The following SOX11 variants were observed in gnomAD, a reference collection of about 807,000 sequenced individuals.
SOX11 encodes SRY-box transcription factor 11.
Under a neutral mutation model 16.7 loss-of-function variants are expected in SOX11, and 5 were observed. That is an observed-to-expected ratio of 0.30 (90% CI 0.16 to 0.63). The LOEUF (loss-of-function observed/expected upper bound fraction) is 0.63. SOX11 is among the 20% of genes least tolerant of loss of function. The pLI is 0.82. For missense variants in SOX11, 492 were observed against 641.5 expected (o/e 0.77, Z 2.52); for synonymous variants, 363 against 298.8 (o/e 1.21, Z -2.22).
rs1172100270 is a variant in SOX11 at position 5,694,020 on chromosome 2, C to T, written c.1299C>T (p.Asn433=). 1.9e-6 allele frequency: 3 copies of T among 1,550,952 alleles called. No homozygotes were observed. In the African/African-American group the frequency reaches 4.1e-5, roughly 21 times the overall value. Residue 433 remains asparagine, a synonymous_variant, in exon 1 of 1, where the codon AAC becomes AAT. Coordinates refer to ENST00000322002, the MANE Select transcript of SOX11 (RefSeq NM_003108.4). ...EMIAGDWLEA[N]FSDLVFTY Reference sequence around the variant, plus strand: ...TCGCGGGGGACTGGCTGGAGGCGAACTTCTCCGACCTGGTGTTCACATATT... The same window carrying T: ...TCGCGGGGGACTGGCTGGAGGCGAATTTCTCCGACCTGGTGTTCACATATT...
rs935874521 is a variant in SOX11, at chr2:5,700,932, C to T, written c.*6885C>T. On this transcript the variant is annotated 3_prime_UTR_variant, in exon 1 of 1. Coordinates refer to ENST00000322002, the MANE Select transcript of SOX11 (RefSeq NM_003108.4). ...AAGTCTGAGTGGTTTGTGGGGGGGA[C>T]CTTTTTTAGAGTTTGCATGCCAGCG... The T allele has an allele frequency of 6.0e-6, 1 of 166,434 alleles. No individual in the cohort carries two copies. Among genetic ancestry groups the T allele is most frequent in the Admixed American group, 6.6e-5 (1 of 15,250 alleles). 10.3% of individuals were successfully genotyped at this position (166,434 alleles called of 1,614,324 possible). A position where few individuals can be genotyped will look rare whatever the true frequency, so the allele number is the denominator to read the frequency against.
rs1665781189 is a variant in SOX11, at chr2:5,698,477, G to GC, written c.*4431dup. ...TTTCCATCTTTAAGAAATTGAACCA[G>GC]CATTCTCTTATTAATTCTTTAAACT... On this transcript the variant is annotated 3_prime_UTR_variant, in exon 1 of 1. Transcript: ENST00000322002. The GC allele has an allele frequency of 6.0e-6, 1 of 166,726 alleles. No homozygotes were observed. Among genetic ancestry groups the GC allele is most frequent in the South Asian group, 2.1e-4 (1 of 4,808 alleles). The allele number at this position is 166,726 out of a possible 1,614,324, so 10.3% of individuals were successfully genotyped here.
Position 5,693,567 on chromosome 2 carries a change from C to G in SOX11, c.846C>G (p.Ser282Arg). ...VAKVPASPTL[S>R]SSAESPEGAS... The stretch of plus-strand genomic sequence containing the variant: ...AAGTGCCCGCCAGCCCTACGCTGAG[C>G]AGCTCGGCGGAGTCCCCCGAGGGAG... The change falls in exon 1 of 1, where the codon AGC (serine) becomes AGG (arginine). Residue 282 changes from serine (S) to arginine (R), a missense_variant. Physicochemically the swap from Ser to Arg is moderately radical, Grantham distance 110. Around this residue, in one of 4 missense-constraint regions of SOX11, gnomAD observed 389 missense variants for 389.0 expected, o/e 1.00. Coordinates refer to ENST00000322002, the MANE Select transcript of SOX11 (RefSeq NM_003108.4). This position sits in a 1 kb window ranked among gnomAD's most constrained non-coding sequence, Gnocchi z 8.6. The G allele has an allele frequency of 6.4e-7, 1 of 1,562,074 alleles. No homozygotes were observed. Among genetic ancestry groups the G allele is most frequent in the South Asian group, 1.2e-5 (1 of 86,774 alleles).
rs775298170 is a variant in SOX11, at chr2:5,693,160, G to A, written c.439G>A (p.Gly147Ser). The change falls in exon 1 of 1, where the codon GGC becomes AGC. Residue 147 changes from glycine (G) to serine (S), a missense_variant. Physicochemically the swap from Gly to Ser is moderately conservative, Grantham distance 56 (BLOSUM62 0). Transcript: ENST00000322002. This position sits in a 1 kb window ranked among gnomAD's most constrained non-coding sequence, Gnocchi z 8.6. Reference protein sequence around the residue: ...SPEKSAAGGGGGSAGGGAGGA... With the variant: ...SPEKSAAGGGSGSAGGGAGGA... ...AGAGAAGAGCGCGGCCGGCGGCGGC[G>A]GCGGGAGCGCGGGCGGAGGCGCGGG... 1.6e-5 allele frequency: 26 copies of A among 1,585,802 alleles called. No homozygotes were observed. Among genetic ancestry groups the A allele is most frequent in the Non-Finnish European group, 2.1e-5 (24 of 1,167,550 alleles).
At position 5,693,307 on chromosome 2, in the gene SOX11, G is replaced by A. The variant is rs776676775; in HGVS notation, c.586G>A (p.Asp196Asn). 5 of 1,559,512 alleles carry A rather than the reference G, an allele frequency of 3.2e-6. No individual in the cohort carries two copies. Among genetic ancestry groups the A allele is most frequent in the South Asian group, 2.3e-5 (2 of 86,218 alleles). Residue 196 changes from aspartate (D) to asparagine (N), a missense_variant, in exon 1 of 1, where the codon GAC (aspartate) becomes AAC (asparagine). Asp to Asn is a conservative substitution (Grantham distance 23). Around this residue, in one of 4 missense-constraint regions of SOX11, gnomAD observed 389 missense variants for 389.0 expected, o/e 1.00. Coordinates refer to ENST00000322002, the MANE Select transcript of SOX11 (RefSeq NM_003108.4). The surrounding 1 kb of genome is among the most constrained non-coding windows in gnomAD (Gnocchi z 8.6). ...GTCCGGGGACTACGGGGGCGCGGGC[G>A]ACGACTACGTGCTGGGCAGCCTGCG... ...AQSGDYGGAG[D>N]DYVLGSLRVS...
Position 5,693,120 on chromosome 2 carries a change from C to A in SOX11, c.399C>A (p.Ser133Arg), listed in dbSNP as rs562403473. 6.2e-6 allele frequency: 10 copies of A among 1,612,074 alleles called. No individual in the cohort carries two copies. The highest frequency in any genetic ancestry group is 2.7e-5 in the African/African-American group (2 of 75,030). ...AAATGGACCCCTCGGCCAAGCCCAG[C>A]GCCAGCCAGAGCCCAGAGAAGAGCG... ...KPKMDPSAKPSASQSPEKSAA... is the reference protein window; with the variant it reads ...KPKMDPSAKPRASQSPEKSAA... Residue 133 changes from serine to arginine, a missense_variant, in exon 1 of 1, where the codon AGC becomes AGA. Physicochemically the swap from Ser to Arg is moderately radical, Grantham distance 110. Transcript: ENST00000322002. This position sits in a 1 kb window ranked among gnomAD's most constrained non-coding sequence, Gnocchi z 8.6.
rs890467122 is a variant in SOX11, at chr2:5,698,837, G to A, written c.*4790G>A. The stretch of plus-strand genomic sequence containing the variant: ...GACAAGACTTATTTTTCTCTTCTGG[G>A]ACTTGAAATCATAATCATCTGATAT... On this transcript the variant is annotated 3_prime_UTR_variant, in exon 1 of 1. Transcript: ENST00000322002. 2.4e-5 allele frequency: 4 copies of A among 166,996 alleles called. No individual in the cohort carries two copies. The highest frequency in any genetic ancestry group is 4.4e-5 in the Non-Finnish European group (3 of 68,098). The allele number at this position is 166,996 out of a possible 1,614,324, so 10.3% of individuals were successfully genotyped here. A position where few individuals can be genotyped will look rare whatever the true frequency, so the allele number is the denominator to read the frequency against.
At position 5,694,075 on chromosome 2, in the gene SOX11, C is replaced by G. The variant is rs1206965108; in HGVS notation, c.*28C>G. The G allele has an allele frequency of 2.0e-6, 3 of 1,537,488 alleles. No individual in the cohort carries two copies. Among genetic ancestry groups the G allele is most frequent in the Admixed American group, 4.0e-5 (2 of 49,934 alleles). On this transcript the variant is annotated 3_prime_UTR_variant, in exon 1 of 1. Transcript: ENST00000322002. ...GGCGCCCGCTGCTCGCTCTTTCTCT[C>G]GGAGGGTGCAGAGCTGGGTTCCTTG... is the stretch of plus-strand genomic sequence containing the variant.
Position 5,693,354 on chromosome 2 carries a change from C to A in SOX11, c.633C>A (p.Gly211=), listed in dbSNP as rs533417666. ...GSLRVSGSGG[G]GAGKTVKCVF... is the part of the protein sequence containing the mutation. ...TGCGCGTGAGCGGCTCGGGCGGCGG[C>A]GGCGCGGGCAAGACGGTCAAGTGCG... Residue 211 remains glycine (G), a synonymous_variant, in exon 1 of 1, where the codon GGC becomes GGA. Transcript: ENST00000322002. This position sits in a 1 kb window ranked among gnomAD's most constrained non-coding sequence, Gnocchi z 8.6. 22 of 1,589,462 alleles carry A rather than the reference C, an allele frequency of 1.4e-5. No individual in the cohort carries two copies. Among genetic ancestry groups the A allele is most frequent in the Non-Finnish European group, 1.8e-5 (21 of 1,176,940 alleles).
Position 5,695,662 on chromosome 2 carries a change from T to C in SOX11, c.*1615T>C, listed in dbSNP as rs1187731032. 1.2e-5 allele frequency: 2 copies of C among 166,086 alleles called. No individual in the cohort carries two copies. Among genetic ancestry groups the C allele is most frequent in the Non-Finnish European group, 2.9e-5 (2 of 67,996 alleles). The allele number at this position is 166,086 out of a possible 1,614,324, so 10.3% of individuals were successfully genotyped here. On this transcript the variant is annotated 3_prime_UTR_variant, in exon 1 of 1. Coordinates refer to ENST00000322002, the MANE Select transcript of SOX11 (RefSeq NM_003108.4). ...AAACTCGCATCGCCAATAGTCTCTA[T>C]GGAAGTCAAACTGGAGGTCCTGTTG... is the stretch of plus-strand genomic sequence containing the variant.
rs747671372 is a variant in SOX11, at chr2:5,693,710, C to T, written c.989C>T (p.Ala330Val). ...KQHPPPLAQP[A>V]LSPASSRSVS... ...CACCCGCCGCCGCTCGCGCAGCCCG[C>T]GCTGTCGCCCGCGTCCTCGCGCTCG... Residue 330 changes from alanine (A) to valine (V), a missense_variant, in exon 1 of 1, where the codon GCG (alanine) becomes GTG (valine). This residue lies in a region of SOX11 where 389 missense variants were observed against 389.0 expected (regional missense o/e 1.00). Coordinates refer to ENST00000322002, the MANE Select transcript of SOX11 (RefSeq NM_003108.4). The surrounding 1 kb of genome is among the most constrained non-coding windows in gnomAD (Gnocchi z 8.6). 3 of 1,599,322 alleles carry T rather than the reference C, an allele frequency of 1.9e-6. No individual in the cohort carries two copies. Among genetic ancestry groups the T allele is most frequent in the Admixed American group, 1.7e-5 (1 of 59,422 alleles).
rs1293451717 is a variant in SOX11 at position 5,699,830 on chromosome 2, T to G, written c.*5783T>G. On this transcript the variant is annotated 3_prime_UTR_variant, in exon 1 of 1. Coordinates refer to ENST00000322002, the MANE Select transcript of SOX11 (RefSeq NM_003108.4). ...TTTTATCTGTTCCATGTGGATGCAG[T>G]GAGTTTATAAGAGAATTTCACAAAC... 6.0e-6 allele frequency: 1 copy of G among 166,938 alleles called. No homozygotes were observed. Among genetic ancestry groups the G allele is most frequent in the Non-Finnish European group, 1.5e-5 (1 of 68,090 alleles). The allele number at this position is 166,938 out of a possible 1,614,324, so 10.3% of individuals were successfully genotyped here. A position where few individuals can be genotyped will look rare whatever the true frequency, so the allele number is the denominator to read the frequency against.
rs938430875 is a variant in SOX11, at chr2:5,692,399, G to A, written c.-323G>A. Among the ~76,000 whole-genome samples, 1 of 152,056 alleles carries A rather than the reference G, an allele frequency of 6.6e-6. No individual in the cohort carries two copies. The highest frequency in any genetic ancestry group is 2.4e-5 in the African/African-American group (1 of 41,430). On this transcript the variant is annotated 5_prime_UTR_variant, in exon 1 of 1. Coordinates refer to ENST00000322002, the MANE Select transcript of SOX11 (RefSeq NM_003108.4). ...TCAACTTTTTGCAGAAGGAGCGCGC[G>A]CGCCTGGGAGAGCTCGGGGTCCGGC... is the stretch of plus-strand genomic sequence containing the variant.
chr2:5,697,797 C>T lies in SOX11; in HGVS notation c.*3750C>T, dbSNP rs914574928. On this transcript the variant is annotated 3_prime_UTR_variant, in exon 1 of 1. Transcript: ENST00000322002. ...TTGAACCAGCGGTTTACAATTGACA[C>T]GTGCTCCGTGCTGGTGATTTTATGT... 22 of 167,114 alleles carry T rather than the reference C, an allele frequency of 1.3e-4. No individual in the cohort carries two copies. Among genetic ancestry groups the T allele is most frequent in the African/African-American group, 4.6e-4 (19 of 41,462 alleles). The allele number at this position is 167,114 out of a possible 1,614,324, so 10.4% of individuals were successfully genotyped here.
In SOX11 at chr2:5,695,785, A is replaced by G. The variant is rs1665717454; in HGVS notation, c.*1738A>G. 1 of 167,264 alleles carries G rather than the reference A, an allele frequency of 6.0e-6. No homozygotes were observed. 10.4% of individuals were successfully genotyped at this position (167,264 alleles called of 1,614,324 possible). A position where few individuals can be genotyped will look rare whatever the true frequency, so the allele number is the denominator to read the frequency against. On this transcript the variant is annotated 3_prime_UTR_variant, in exon 1 of 1. Transcript: ENST00000322002. ...AGGGGGTTAGGCTGAAAAGTGTTCA[A>G]TTAGCAGGCTGATTTCTTTTTCCTC...
Position 5,698,980 on chromosome 2 carries a change from TA to T in SOX11, c.*4936del, listed in dbSNP as rs1464323450. 6.0e-6 allele frequency: 1 copy of T among 167,058 alleles called. No homozygotes were observed. The highest frequency in any genetic ancestry group is 2.4e-5 in the African/African-American group (1 of 41,472). 10.3% of individuals were successfully genotyped at this position (167,058 alleles called of 1,614,324 possible). On this transcript the variant is annotated 3_prime_UTR_variant, in exon 1 of 1. Coordinates refer to ENST00000322002, the MANE Select transcript of SOX11 (RefSeq NM_003108.4). ...TCTATTTTAAAGTAGTCATTCAATA[TA>T]AATATATTATATCAATCTTAACTTT...
chr2:5,692,796 A>G lies in SOX11; in HGVS notation c.75A>G (p.Glu25=). Residue 25 remains glutamate, a synonymous_variant, in exon 1 of 1, where the codon GAA becomes GAG. Transcript: ENST00000322002. The part of the protein sequence containing the change: ...PREALDTEEG[E]FMACSPVALD... ...AGGCGCTGGACACGGAGGAGGGCGA[A>G]TTCATGGCTTGCAGCCCGGTGGCCC... 6.2e-7 allele frequency: 1 copy of G among 1,612,838 alleles called. No homozygotes were observed. Among genetic ancestry groups the G allele is most frequent in the South Asian group, 1.1e-5 (1 of 90,936 alleles).
rs10570865 is a variant in SOX11 at position 5,698,551 on chromosome 2, TAA to T, written c.*4517_*4518del. The T allele has an allele frequency of 0.04, 6,555 of 162,928 alleles. 391 individuals carry two copies. Among genetic ancestry groups the T allele is most frequent in the African/African-American group, 0.13 (5,457 of 40,798 alleles). The allele number at this position is 162,928 out of a possible 1,614,324, so 10.1% of individuals were successfully genotyped here. A position where few individuals can be genotyped will look rare whatever the true frequency, so the allele number is the denominator to read the frequency against. On this transcript the variant is annotated 3_prime_UTR_variant, in exon 1 of 1. Coordinates refer to ENST00000322002, the MANE Select transcript of SOX11 (RefSeq NM_003108.4). Reference sequence around the variant, plus strand: ...CACTCTGATACGCATCCCTTTTATTTAAAAAAAAAAAAAATGCTAATAAAAGG... The same window carrying T: ...CACTCTGATACGCATCCCTTTTATTTAAAAAAAAAAAATGCTAATAAAAGG...
chr2:5,693,755 G>C lies in SOX11; in HGVS notation c.1034G>C (p.Ser345Thr). Residue 345 changes from serine to threonine, a missense_variant, in exon 1 of 1, where the codon AGC becomes ACC. Ser to Thr is a moderately conservative substitution (Grantham distance 58). This residue lies in a region of SOX11 where 389 missense variants were observed against 389.0 expected (regional missense o/e 1.00). Coordinates refer to ENST00000322002, the MANE Select transcript of SOX11 (RefSeq NM_003108.4). The surrounding 1 kb of genome is among the most constrained non-coding windows in gnomAD (Gnocchi z 8.6). The part of the protein sequence containing the change: ...SSRSVSTSSS[S>T]SSGSSSGSSG... ...CGCTCGGTGTCCACCTCCTCGTCCA[G>C]CAGCAGCGGCAGCAGCAGCGGCAGC... is the stretch of plus-strand genomic sequence containing the variant. 5.1e-6 allele frequency: 8 copies of C among 1,579,868 alleles called. No homozygotes were observed. The highest frequency in any genetic ancestry group is 6.0e-6 in the Non-Finnish European group (7 of 1,165,336).
Sources: gnomAD v4.1 joint callset for allele counts (sites outside exome capture counted in the v4.1 genomes callset) on GRCh38, gnomAD v4.1.1 for gene constraint, gnomAD v4.1.1 regional missense constraint, Gnocchi (gnomAD v3.1) non-coding constraint, MANE v1.5 for transcripts, NCBI Gene and HGNC (gene_info 2026-07-23, HGNC 2026-07-21) for gene names.